Variants in NRP2 observed in about 807,000 individuals in gnomAD.
NRP2 encodes neuropilin-2.
A neutral mutation model predicts 110.4 loss-of-function variants in NRP2; 52 were observed. That is an observed-to-expected ratio of 0.47 (90% CI 0.38 to 0.59). NRP2 has a LOEUF of 0.59. Ranked by LOEUF, NRP2 falls within the 20% of genes least tolerant of loss-of-function variation. The pLI, the probability that NRP2 is intolerant of heterozygous loss-of-function variation, is 0.00. For synonymous variants in NRP2, 508 were observed against 468.9 expected, an observed-to-expected ratio of 1.08 and a Z score of -1.08; for missense variants, 1,049 against 1,203.0, an observed-to-expected ratio of 0.87 and a Z score of 1.89.
intron 15 of NRP2, among the ~76,000 whole-genome samples, chr2:205,775,609 G>A (rs182207196): frequency 1.3e-5 from 2 of 152,314 alleles, no homozygotes; most frequent in Admixed American, 1.3e-4. Context: ...TGATTGACCT[G>A]TCTAGGCAAG....
intron 3 of NRP2, among the ~76,000 whole-genome samples, chr2:205,716,608 T>C (rs1305470573): frequency 1.3e-5 from 2 of 152,050 alleles, no homozygotes; most frequent in Non-Finnish European, 2.9e-5. Context: ...AAAACAGCCA[T>C]TGTTTGTGGT....
intron 15 of NRP2, among the ~76,000 whole-genome samples, chr2:205,785,845 G>A (rs959104934): frequency 2.6e-5 from 4 of 152,128 alleles, no homozygotes; most frequent in Non-Finnish European, 5.9e-5. Flanking sequence ...AAAAATAATA[G>A]AAACGAATGG....
intron 3 of NRP2, among the ~76,000 whole-genome samples, chr2:205,720,442 C>T (rs965060372): frequency 6.6e-6 from 1 of 152,060 alleles, no homozygotes; most frequent in African/African-American, 2.4e-5. Flanking sequence ...TGACAGGAAC[C>T]AAAGAAAGAT....
chr2:205,745,062 C>T (rs924177088), intron 9 of NRP2, among the ~76,000 whole-genome samples: 8 of 152,196 alleles, frequency 5.3e-5, no homozygotes, highest in Admixed American at 6.5e-5. Context: ...GTCCTTCCCC[C>T]GGATGAGTGT....
chr2:205,724,749 C>G (rs1210385034), intron 5 of NRP2, among the ~76,000 whole-genome samples: 1 of 149,860 alleles, frequency 6.7e-6, no homozygotes, highest in South Asian at 2.1e-4. Context: ...CCAGTGCAAC[C>G]TCCACCTCCC....
chr2:205,786,260 T>C (rs746518655), intron 15 of NRP2, among the ~76,000 whole-genome samples: 7 of 152,240 alleles, frequency 4.6e-5, no homozygotes, highest in Non-Finnish European at 1.0e-4. Context: ...AGAATCTCCT[T>C]AGTCCTTTGT....
In NRP2 at chr2:205,787,718, C is replaced by CTGTGTGTG. The variant is rs60558986; in HGVS notation, c.2426-4487_2426-4480dup. ...AGAGAGGAAAGATAAAAAAAAGTGTCTGTGTGTGTGTGTGTGTGTGTGTGT... is the reference window on the plus strand; with the variant it reads ...AGAGAGGAAAGATAAAAAAAAGTGTCTGTGTGTGTGTGTGTGTGTGTGTGTGTGTGTGT... On this transcript the variant is annotated intron_variant, in intron 15 of 16. Coordinates refer to ENST00000357785, the MANE Select transcript of NRP2 (RefSeq NM_003872.3). Among the ~76,000 whole-genome samples the CTGTGTGTG allele has an allele frequency of 4.7e-3, 682 of 144,170 alleles. 6 individuals are homozygous for CTGTGTGTG. The highest frequency in any genetic ancestry group is 0.017 in the African/African-American group (642 of 38,896). 94.6% of individuals were successfully genotyped at this position (144,170 alleles called of 152,430 possible).
Position 205,722,674 on chromosome 2 carries a change from C to A in NRP2, c.630C>A (p.Tyr210Ter). ...PLQVGEGDCK[Y>*]DWLDIWDGIP... Reference sequence around the variant, plus strand: ...AGGTGGGAGAGGGGGACTGCAAGTACGATTGGCTGGACATCTGGGATGGCA... The same window carrying A: ...AGGTGGGAGAGGGGGACTGCAAGTAAGATTGGCTGGACATCTGGGATGGCA... Residue 210 changes from tyrosine (Y) to a stop codon, truncating the protein, a stop_gained, in exon 4 of 17, where the codon TAC becomes TAA. Coordinates refer to ENST00000357785, the MANE Select transcript of NRP2 (RefSeq NM_003872.3). LOFTEE classifies it high-confidence loss of function. 1.9e-6 allele frequency: 3 copies of A among 1,614,126 alleles called. No homozygotes were observed. The highest frequency in any genetic ancestry group is 2.5e-6 in the Non-Finnish European group (3 of 1,179,986).
intron 11 of NRP2, among the ~76,000 whole-genome samples, chr2:205,750,768 G>T (rs1160389161): frequency 1.3e-5 from 2 of 152,198 alleles, no homozygotes; most frequent in Non-Finnish European, 2.9e-5. Flanking sequence ...GACTAGAGAA[G>T]TGATGGAGAC....
At chr2:205,785,912 T>C (rs757478296) in intron 15 of NRP2, among the ~76,000 whole-genome samples, 1 of 152,210 alleles carries the variant, frequency 6.6e-6, no homozygotes, top group Non-Finnish European at 1.5e-5. Context: ...TCCTTTTTTT[T>C]CCGCACTTGA....
chr2:205,769,505 T>TAC (rs56837273), intron 15 of NRP2, among the ~76,000 whole-genome samples: 9,310 of 145,114 alleles, frequency 0.064, 294 homozygotes, highest in African/African-American at 0.085. Flanking sequence ...TATACATACA[T>TAC]ACACACACAC....
intron 5 of NRP2, among the ~76,000 whole-genome samples, chr2:205,724,230 T>C (rs1348362205): frequency 6.6e-6 from 1 of 152,244 alleles, no homozygotes; most frequent in Non-Finnish European, 1.5e-5. Flanking sequence ...AGTTTCCTCA[T>C]CTATGAATGA....
In NRP2 at chr2:205,740,711, C is replaced by A. The variant is rs754853499; in HGVS notation, c.1291+48C>A. 6.2e-6 allele frequency: 10 copies of A among 1,607,622 alleles called. No individual in the cohort carries two copies. In the Admixed American group the frequency reaches 1.5e-4, roughly 24 times the overall value. On this transcript the variant is annotated intron_variant, in intron 8 of 16. Transcript: ENST00000357785. ...GTTGGGGTGCTGATTGAGCCCTAGGCTCTGCTCCCTTTCAACTCTCTGCAA... is the reference window on the plus strand; with the variant it reads ...GTTGGGGTGCTGATTGAGCCCTAGGATCTGCTCCCTTTCAACTCTCTGCAA...
In NRP2 at chr2:205,723,904, G is replaced by A; in HGVS notation, c.784G>A (p.Ala262Thr). ...DMAVAKDGFSARYYLVHQEPL... is the reference protein window; with the variant it reads ...DMAVAKDGFSTRYYLVHQEPL... ...GGCGGTGGCCAAGGATGGCTTCTCT[G>A]CGCGTTACTACCTGGTCCACCAAGA... Residue 262 changes from alanine (A) to threonine (T), a missense_variant, in exon 5 of 17, where the codon GCG (alanine) becomes ACG (threonine). By Grantham distance (58) the Ala-to-Thr change is moderately conservative. Transcript: ENST00000357785. 1 of 1,614,172 alleles carries A rather than the reference G, an allele frequency of 6.2e-7. No individual in the cohort carries two copies.
At chr2:205,712,600 A>C (rs1327203736) in intron 2 of NRP2, among the ~76,000 whole-genome samples, 1 of 152,230 alleles carries the variant, frequency 6.6e-6, no homozygotes, top group Non-Finnish European at 1.5e-5. Context: ...GATTTACTCC[A>C]GCTGTAGCAA....
At chr2:205,787,716 G>A (rs1483277014) in intron 15 of NRP2, among the ~76,000 whole-genome samples, 1 of 81,536 alleles carries the variant, frequency 1.2e-5, no homozygotes, top group Admixed American at 1.5e-4. Flanking sequence ...AAAAAAAAGT[G>A]TCTGTGTGTG....
intron 14 of NRP2, 200 bp downstream of exon 14, chr2:205,765,770 G>T: frequency 1.4e-6 from 1 of 717,744 alleles, no homozygotes; most frequent in South Asian, 1.4e-5. Flanking sequence ...GTAAGGGGAC[G>T]GCTTATATCC....
chr2:205,790,093 A>C (rs2058282061), intron 15 of NRP2, among the ~76,000 whole-genome samples: 1 of 152,118 alleles, frequency 6.6e-6, no homozygotes, highest in Admixed American at 6.5e-5. Context: ...GGGAGCAGTG[A>C]TTATATAAAA....
intron 15 of NRP2, chr2:205,775,995 C>T (rs2058090819): frequency 1.5e-6 from 1 of 675,584 alleles, no homozygotes; most frequent in Non-Finnish European, 2.7e-6. Context: ...TTAACTTAAC[C>T]TCTCTCCACC....
Sources: gnomAD v4.1 joint callset for allele counts (sites outside exome capture counted in the v4.1 genomes callset) on GRCh38, gnomAD v4.1.1 for gene constraint, MANE v1.5 for transcripts, NCBI Gene and HGNC (gene_info 2026-07-23, HGNC 2026-07-21) for gene names.